Variants in GABRA1 observed in about 807,000 individuals in gnomAD.
GABRA1 encodes gamma-aminobutyric acid receptor subunit alpha-1.
A neutral mutation model predicts 48.9 loss-of-function variants in GABRA1; 9 were observed. That is an observed-to-expected ratio of 0.18 (90% CI 0.11 to 0.32). The LOEUF (loss-of-function observed/expected upper bound fraction) is 0.32. Among genes scored for constraint, GABRA1 ranks in the 10% least tolerant of loss-of-function variants. The probability of loss-of-function intolerance (pLI) is 1.00; values close to 1 mark genes in which losing one functional copy is unlikely to be tolerated. For missense variants in GABRA1, 285 were observed against 553.8 expected, an observed-to-expected ratio of 0.51 and a Z score of 4.87; for synonymous variants, 210 against 198.7, an observed-to-expected ratio of 1.06 and a Z score of -0.48.
chr5:161,880,342 T>C (rs1754559850), intron 6 of GABRA1, among the ~76,000 whole-genome samples: 2 of 152,280 alleles, frequency 1.3e-5, no homozygotes, highest in South Asian at 4.1e-4. Context: ...ATTAAAATAT[T>C]AGTAAATGTG....
At chr5:161,858,024 AAG>A (rs1288481757) in intron 3 of GABRA1, among the ~76,000 whole-genome samples, 1 of 151,496 alleles carries the variant, frequency 6.6e-6, no homozygotes, top group Non-Finnish European at 1.5e-5. Context: ...ATAGAAAATA[AAG>A]AGAGAACAGA....
At chr5:161,854,386 C>T (rs949008713) in intron 3 of GABRA1, 116 bp downstream of exon 3, 1 of 717,970 alleles carries the variant, frequency 1.4e-6, no homozygotes, top group Non-Finnish European at 2.6e-6. Context: ...AATTTAATGA[C>T]AAATCTATTT....
intron 6 of GABRA1, among the ~76,000 whole-genome samples, chr5:161,880,931 G>A (rs765527902): frequency 5.9e-5 from 9 of 152,208 alleles, no homozygotes; most frequent in Non-Finnish European, 1.2e-4. Context: ...AAACAGAGGT[G>A]CATTATGACT....
At chr5:161,875,143 G>A (rs1329465336) in intron 5 of GABRA1, among the ~76,000 whole-genome samples, 2 of 152,128 alleles carry the variant, frequency 1.3e-5, no homozygotes, top group African/African-American at 2.4e-5. Flanking sequence ...AGAGAGAGAT[G>A]CACTTAGAAC....
In GABRA1 at chr5:161,874,998, G is replaced by A. The variant is rs373676674; in HGVS notation, c.477-562G>A. Among the ~76,000 whole-genome samples the A allele has an allele frequency of 2.8e-4, 42 of 152,206 alleles. 1 individual carries two copies. The highest frequency in any genetic ancestry group is 7.2e-4 in the African/African-American group (30 of 41,560). Reference sequence around the variant, plus strand: ...TAGATGGTGGGTTTGTAAATAAAACGAAATGGTTTGCAAGTAGTGAGATCA... The same window carrying A: ...TAGATGGTGGGTTTGTAAATAAAACAAAATGGTTTGCAAGTAGTGAGATCA... On this transcript the variant is annotated intron_variant, in intron 5 of 9. Transcript: ENST00000393943.
intron 7 of GABRA1, among the ~76,000 whole-genome samples, chr5:161,889,675 G>A (rs1162412466): frequency 6.6e-6 from 1 of 152,012 alleles, no homozygotes; most frequent in African/African-American, 2.4e-5. Context: ...ATACAGATTA[G>A]GAAGTTTGCT....
At chr5:161,871,774 T>C (rs1754131263) in intron 4 of GABRA1, among the ~76,000 whole-genome samples, 1 of 152,326 alleles carries the variant, frequency 6.6e-6, no homozygotes, top group African/African-American at 2.4e-5. Flanking sequence ...TAACTTGTCT[T>C]GTCTACAAAG....
intron 3 of GABRA1, among the ~76,000 whole-genome samples, chr5:161,864,331 C>G (rs948086334): frequency 2.0e-5 from 3 of 152,014 alleles, no homozygotes; most frequent in Admixed American, 1.3e-4. Flanking sequence ...TTAGGTATAT[C>G]TCCCAATGCT....
rs2113463769 is a variant in GABRA1, at chr5:161,895,605, C to T, written c.857-61C>T. ...TTCCTTTTGTTCAAGTAGGCTGTCC[C>T]ATCATGATGAAATTTCACAGTATGA... On this transcript the variant is annotated intron_variant, in intron 8 of 9. Transcript: ENST00000393943. 3 of 1,410,632 alleles carry T rather than the reference C, an allele frequency of 2.1e-6. No individual in the cohort carries two copies. In the South Asian group the frequency reaches 3.5e-5, roughly 17 times the overall value. The allele number at this position is 1,410,632 out of a possible 1,614,324, so 87.4% of individuals were successfully genotyped here. A position where few individuals can be genotyped will look rare whatever the true frequency, so the allele number is the denominator to read the frequency against.
At chr5:161,874,163 T>A (rs1407734006) in intron 5 of GABRA1, among the ~76,000 whole-genome samples, 3 of 152,090 alleles carry the variant, frequency 2.0e-5, no homozygotes, top group Admixed American at 6.6e-5. Flanking sequence ...TACAAAAAGG[T>A]AATAAAGGTA....
At position 161,898,928 on chromosome 5, in the gene GABRA1, A is replaced by C. The variant is rs998754; in HGVS notation, c.*1506A>C. Reference sequence around the variant, plus strand: ...GTAGCAATATATTTGTAGGTATACTATGTAAGGGCTTTAAATAAAAGAGGT... The same window carrying C: ...GTAGCAATATATTTGTAGGTATACTCTGTAAGGGCTTTAAATAAAAGAGGT... On this transcript the variant is annotated 3_prime_UTR_variant, in exon 10 of 10. Coordinates refer to ENST00000393943, the MANE Select transcript of GABRA1 (RefSeq NM_001127644.2). The C allele has an allele frequency of 0.6, 91,167 of 152,354 alleles. 27,648 individuals are homozygous for C. Among genetic ancestry groups the C allele is most frequent in the Admixed American group, 0.68 (10,431 of 15,258 alleles). 9.4% of individuals were successfully genotyped at this position (152,354 alleles called of 1,614,324 possible). A position where few individuals can be genotyped will look rare whatever the true frequency, so the allele number is the denominator to read the frequency against.
rs1281594979 is a variant in GABRA1 at position 161,898,542 on chromosome 5, T to G, written c.*1120T>G. Reference sequence around the variant, plus strand: ...GTTGTTAAATGCTATGGAAATACATTTAGAACCTGCATTTAAGAACAGAAC... The same window carrying G: ...GTTGTTAAATGCTATGGAAATACATGTAGAACCTGCATTTAAGAACAGAAC... On this transcript the variant is annotated 3_prime_UTR_variant, in exon 10 of 10. Transcript: ENST00000393943. 2 of 152,274 alleles carry G rather than the reference T, an allele frequency of 1.3e-5. No individual in the cohort carries two copies. The highest frequency in any genetic ancestry group is 4.1e-4 in the South Asian group (2 of 4,832). 9.4% of individuals were successfully genotyped at this position (152,274 alleles called of 1,614,324 possible). A position where few individuals can be genotyped will look rare whatever the true frequency, so the allele number is the denominator to read the frequency against.
chr5:161,882,765 A>G, intron 7 of GABRA1, 64 bp downstream of exon 7: 1 of 1,473,208 alleles, frequency 6.8e-7, no homozygotes, highest in Non-Finnish European at 9.5e-7. Context: ...GTGAGAACTC[A>G]ATGAATCATT....
In GABRA1 at chr5:161,868,724, C is replaced by T. The variant is rs973360513; in HGVS notation, c.255+2936C>T. On this transcript the variant is annotated intron_variant, in intron 4 of 9. Coordinates refer to ENST00000393943, the MANE Select transcript of GABRA1 (RefSeq NM_001127644.2). ...GACAATGCCCAAATGAAGCCACAGGCGATCAAAAGCCTTTCTCTTTTCTTA... is the reference window on the plus strand; with the variant it reads ...GACAATGCCCAAATGAAGCCACAGGTGATCAAAAGCCTTTCTCTTTTCTTA... Among the ~76,000 whole-genome samples, 6 of 152,102 alleles carry T rather than the reference C, an allele frequency of 3.9e-5. No individual in the cohort carries two copies. The South Asian group carries it at 6.2e-4, about 16-fold the overall frequency.
At position 161,898,768 on chromosome 5, in the gene GABRA1, T is replaced by G. The variant is rs1020396403; in HGVS notation, c.*1346T>G. The G allele has an allele frequency of 5.2e-5, 8 of 152,592 alleles. No individual in the cohort carries two copies. Among genetic ancestry groups the G allele is most frequent in the African/African-American group, 9.6e-5 (4 of 41,454 alleles). The allele number at this position is 152,592 out of a possible 1,614,324, so 9.5% of individuals were successfully genotyped here. ...CATTAGTTGGAGCTAGAAAATGAAC[T>G]GTATATTATTGCTATATTTGCTAAT... is the stretch of plus-strand genomic sequence containing the variant. On this transcript the variant is annotated 3_prime_UTR_variant, in exon 10 of 10. Transcript: ENST00000393943.
Position 161,895,899 on chromosome 5 carries a change from C to T in GABRA1, c.1059+31C>T, listed in dbSNP as rs764119166. 5.8e-6 allele frequency: 9 copies of T among 1,542,478 alleles called. No individual in the cohort carries two copies. The East Asian group carries it at 2.0e-4, about 35-fold the overall frequency. On this transcript the variant is annotated intron_variant, in intron 9 of 9. Coordinates refer to ENST00000393943, the MANE Select transcript of GABRA1 (RefSeq NM_001127644.2). ...TGCTTTAATGGTCACTGTAGTACAT[C>T]AATATTATGTCTCTTTAAACCTATG...
intron 9 of GABRA1, among the ~76,000 whole-genome samples, chr5:161,896,878 A>G (rs547577254): frequency 6.6e-6 from 1 of 152,314 alleles, no homozygotes; most frequent in South Asian, 2.1e-4. Context: ...CTGTAGTGGT[A>G]ACATCTACCT....
intron 7 of GABRA1, among the ~76,000 whole-genome samples, chr5:161,884,878 G>A (rs1339704635): frequency 6.6e-6 from 1 of 152,078 alleles, no homozygotes; most frequent in Non-Finnish European, 1.5e-5. Context: ...CAAAATTAGA[G>A]GCTTAGTCAA....
At chr5:161,857,104 G>T (rs541610661) in intron 3 of GABRA1, among the ~76,000 whole-genome samples, 1 of 151,328 alleles carries the variant, frequency 6.6e-6, no homozygotes, top group East Asian at 1.9e-4. Context: ...GGAAATAAGT[G>T]AGATTATCAT....
Sources: allele counts gnomAD v4.1 joint callset (sites outside exome capture counted in the v4.1 genomes callset), GRCh38; gene constraint gnomAD v4.1.1; transcripts MANE v1.5; gene names NCBI Gene and HGNC (gene_info 2026-07-23, HGNC 2026-07-21).